The following RAD51B variants were observed in gnomAD, a reference collection of about 807,000 sequenced individuals.
The protein encoded by RAD51B is RAD51 paralog B.
RAD51B carries 38 observed loss-of-function variants against 42.2 expected under a neutral mutation model. The observed-to-expected ratio is 0.90, with a 90% CI of 0.70 to 1.18. RAD51B has a LOEUF of 1.18. Ranked by LOEUF, RAD51B falls within the 50% of genes most tolerant of loss-of-function variation. The pLI is 0.00. For synonymous variants in RAD51B, 154 were observed against 145.2 expected, an observed-to-expected ratio of 1.06 and a Z score of -0.43; for missense variants, 373 against 400.7, an observed-to-expected ratio of 0.93 and a Z score of 0.59.
At chr14:68,331,004 A>T (rs1014694521) in intron 8 of RAD51B, among the ~76,000 whole-genome samples, 3 of 152,176 alleles carry the variant, frequency 2.0e-5, no homozygotes, top group Non-Finnish European at 2.9e-5. Flanking sequence ...TCAGAAAACT[A>T]TATTTTACTT....
At chr14:68,591,472 G>A (rs987075294) in intron 10 of RAD51B, among the ~76,000 whole-genome samples, 1 of 152,198 alleles carries the variant, frequency 6.6e-6, no homozygotes, top group Non-Finnish European at 1.5e-5. Flanking sequence ...CAATGTGGAT[G>A]CTATGGATGC....
At chr14:68,380,240 T>C (rs1057350080) in intron 8 of RAD51B, among the ~76,000 whole-genome samples, 5 of 152,220 alleles carry the variant, frequency 3.3e-5, no homozygotes, top group Admixed American at 3.3e-4. Flanking sequence ...TTCCTCCCAA[T>C]TATTCCTCTC....
chr14:68,172,260 T>C (rs905206560), intron 7 of RAD51B, among the ~76,000 whole-genome samples: 11 of 152,216 alleles, frequency 7.2e-5, no homozygotes, highest in African/African-American at 2.7e-4. Context: ...TTGTAGATCC[T>C]GTATGATTTT....
At chr14:67,973,803 A>G (rs761901223) in intron 7 of RAD51B, among the ~76,000 whole-genome samples, 10 of 152,170 alleles carry the variant, frequency 6.6e-5, no homozygotes, top group Non-Finnish European at 1.3e-4. Flanking sequence ...GACCATTTTA[A>G]AAATTCAAAA....
intron 7 of RAD51B, among the ~76,000 whole-genome samples, chr14:68,238,002 C>T (rs2080301383): frequency 6.6e-6 from 1 of 151,938 alleles, no homozygotes; most frequent in Non-Finnish European, 1.5e-5. Context: ...CAAAGTGCCT[C>T]AGCCTCCGAA....
At chr14:68,066,524 T>C (rs1053317140) in intron 7 of RAD51B, among the ~76,000 whole-genome samples, 3 of 152,168 alleles carry the variant, frequency 2.0e-5, no homozygotes, top group African/African-American at 7.2e-5. Context: ...TGAGGAAACA[T>C]AATAAAGGGA....
At chr14:68,550,059 G>A (rs1365130724) in intron 10 of RAD51B, among the ~76,000 whole-genome samples, 2 of 152,204 alleles carry the variant, frequency 1.3e-5, no homozygotes, top group African/African-American at 4.8e-5. Flanking sequence ...GGAGCAACAT[G>A]GAGAGACTTT....
At chr14:68,242,983 G>A (rs2080423909) in intron 7 of RAD51B, among the ~76,000 whole-genome samples, 1 of 152,132 alleles carries the variant, frequency 6.6e-6, no homozygotes. Context: ...CCCCATAGGA[G>A]GACAGCAAGT....
At chr14:68,077,022 T>C (rs1029413237) in intron 7 of RAD51B, among the ~76,000 whole-genome samples, 2 of 152,124 alleles carry the variant, frequency 1.3e-5, no homozygotes, top group African/African-American at 4.8e-5. Flanking sequence ...ATTTATTTAG[T>C]TTAAGTTATA....
At chr14:68,517,492 A>G (rs1157385648) in intron 10 of RAD51B, among the ~76,000 whole-genome samples, 1 of 152,174 alleles carries the variant, frequency 6.6e-6, no homozygotes, top group Non-Finnish European at 1.5e-5. Context: ...TCTTGGTATT[A>G]TTATGAAATA....
At chr14:68,340,120 A>T (rs1190596696) in intron 8 of RAD51B, among the ~76,000 whole-genome samples, 2 of 152,378 alleles carry the variant, frequency 1.3e-5, no homozygotes, top group East Asian at 3.8e-4. Context: ...TATCAGAAAT[A>T]ACTTCAAGGT....
intron 10 of RAD51B, among the ~76,000 whole-genome samples, chr14:68,646,806 C>T (rs1403983028): frequency 1.3e-5 from 2 of 152,176 alleles, no homozygotes; most frequent in African/African-American, 4.8e-5. Flanking sequence ...TTTGCTTCAG[C>T]TATATTTGAT....
At chr14:68,359,915 G>T (rs1402676118) in intron 8 of RAD51B, among the ~76,000 whole-genome samples, 1 of 152,170 alleles carries the variant, frequency 6.6e-6, no homozygotes, top group African/African-American at 2.4e-5. Context: ...CTTTGGTCTG[G>T]GTACTTTCCA....
intron 4 of RAD51B, among the ~76,000 whole-genome samples, chr14:67,861,566 AAC>A: frequency 1.4e-5 from 2 of 145,082 alleles, no homozygotes; most frequent in Non-Finnish European, 3.1e-5. Flanking sequence ...ACAGAGTGAG[AAC>A]CTGTCTTTAA....
At chr14:68,501,838 G>C (rs1167841797) in intron 10 of RAD51B, among the ~76,000 whole-genome samples, 3 of 152,288 alleles carry the variant, frequency 2.0e-5, no homozygotes, top group African/African-American at 7.2e-5. Flanking sequence ...GGTGGGCTGT[G>C]ACATCGGCCA....
chr14:68,448,729 A>G lies in RAD51B; in HGVS notation c.958-19443A>G, dbSNP rs372732939. Among the ~76,000 whole-genome samples the G allele has an allele frequency of 2.3e-4, 35 of 152,340 alleles. 6 individuals are homozygous for G. Among genetic ancestry groups the G allele is most frequent in the Admixed American group, 2.2e-3 (33 of 15,304 alleles). ...CAGCTAGAATTTGCCTGCTAAACAG[A>G]AAATCTCTGGTGACACCGAATTGCA... is the stretch of plus-strand genomic sequence containing the variant. On this transcript the variant is annotated intron_variant, in intron 9 of 10. Coordinates refer to ENST00000471583, the MANE Select transcript of RAD51B (RefSeq NM_133510.4).
At position 67,887,073 on chromosome 14, in the gene RAD51B, C is replaced by A. The variant is rs1189894184; in HGVS notation, c.625C>A (p.Leu209Ile). Residue 209 changes from leucine (L) to isoleucine (I), a missense_variant, in exon 7 of 11, where the codon CTT becomes ATT. Transcript: ENST00000471583. ...IISKGIKLVI[L>I]DSVASVVRKE... The stretch of plus-strand genomic sequence containing the variant: ...CTCAAAAGGAATTAAACTTGTGATT[C>A]TTGACTCTGTTGCTTCTGTGGTCAG... 4 of 1,572,236 alleles carry A rather than the reference C, an allele frequency of 2.5e-6. No homozygotes were observed. The highest frequency in any genetic ancestry group is 3.5e-6 in the Non-Finnish European group (4 of 1,147,838).
Position 67,875,072 on chromosome 14 carries a change from G to A in RAD51B, c.452+9933G>A, listed in dbSNP as rs538999863. Among the ~76,000 whole-genome samples, 120 of 152,262 alleles carry A rather than the reference G, an allele frequency of 7.9e-4. 1 individual carries two copies. Among genetic ancestry groups the A allele is most frequent in the African/African-American group, 2.9e-3 (119 of 41,540 alleles). On this transcript the variant is annotated intron_variant, in intron 5 of 10. Transcript: ENST00000471583. Reference sequence around the variant, plus strand: ...AGGGATGTAGGGAAGTAAGAGATGAGAGCCAGGACTCTGGAAGGTGGGAAC... The same window carrying A: ...AGGGATGTAGGGAAGTAAGAGATGAAAGCCAGGACTCTGGAAGGTGGGAAC...
chr14:67,911,818 C>T (rs541858011), intron 7 of RAD51B, among the ~76,000 whole-genome samples: 1 of 152,228 alleles, frequency 6.6e-6, no homozygotes, highest in South Asian at 2.1e-4. Context: ...CCATTCTTTC[C>T]TCAGCTCCAT....
Sources: gnomAD v4.1 joint callset for allele counts (sites outside exome capture counted in the v4.1 genomes callset) on GRCh38, gnomAD v4.1.1 for gene constraint, MANE v1.5 for transcripts, NCBI Gene and HGNC (gene_info 2026-07-23, HGNC 2026-07-21) for gene names.